The following TWSG1 variants were observed in gnomAD, a reference collection of about 807,000 sequenced individuals.
TWSG1 encodes the protein twisted gastrulation protein homolog 1.
A neutral mutation model predicts 23.0 loss-of-function variants in TWSG1; 15 were observed. That is an observed-to-expected ratio of 0.65 (90% CI 0.44 to 1.00). The LOEUF (loss-of-function observed/expected upper bound fraction) is 1.00, where lower values mean the gene tolerates loss of function less well. Ranked by LOEUF, TWSG1 falls within the 50% of genes least tolerant of loss-of-function variation. The probability of loss-of-function intolerance (pLI) is 0.00; values close to 1 mark genes in which losing one functional copy is unlikely to be tolerated. For synonymous variants in TWSG1, 86 were observed against 92.8 expected, an observed-to-expected ratio of 0.93 and a Z score of 0.42; for missense variants, 242 against 278.7, an observed-to-expected ratio of 0.87 and a Z score of 0.94.
At chr18:9,366,276 G>T (rs986868482) in intron 3 of TWSG1, among the ~76,000 whole-genome samples, 2 of 152,174 alleles carry the variant, frequency 1.3e-5, no homozygotes, top group African/African-American at 4.8e-5. Flanking sequence ...GGCTCATTTT[G>T]CCATACCAAC....
chr18:9,368,543 T>G (rs1196576272), intron 3 of TWSG1, among the ~76,000 whole-genome samples: 1 of 152,002 alleles, frequency 6.6e-6, no homozygotes, highest in Non-Finnish European at 1.5e-5. Context: ...CTGGGTGCAG[T>G]GGCTCACGTC....
chr18:9,383,832 T>C (rs2040670284), intron 3 of TWSG1, among the ~76,000 whole-genome samples: 1 of 152,140 alleles, frequency 6.6e-6, no homozygotes, highest in Non-Finnish European at 1.5e-5. Context: ...TTGATGTGAA[T>C]ATTGAAATTG....
rs79063610 is a variant in TWSG1 at position 9,346,880 on chromosome 18, A to G, written c.123+9528A>G. ...AATTGCTGCGTTGTAGGGTAGGACT[A>G]TGTTTAGTTTTGTAAGAAATTGCCA... On this transcript the variant is annotated intron_variant, in intron 2 of 4. Coordinates refer to ENST00000262120, the MANE Select transcript of TWSG1 (RefSeq NM_020648.6). 5.5e-3 allele frequency among the ~76,000 whole-genome samples: 832 copies of G among 152,334 alleles called. 8 individuals carry two copies. The highest frequency in any genetic ancestry group is 0.019 in the African/African-American group (800 of 41,578).
At chr18:9,387,304 A>C (rs996720158) in intron 3 of TWSG1, among the ~76,000 whole-genome samples, 9 of 152,250 alleles carry the variant, frequency 5.9e-5, no homozygotes, top group Non-Finnish European at 1.0e-4. Flanking sequence ...ATAATTCTCC[A>C]TAAAGGAATT....
Position 9,401,692 on chromosome 18 carries a change from A to G in TWSG1, c.*2165A>G, listed in dbSNP as rs2040763490. On this transcript the variant is annotated 3_prime_UTR_variant, in exon 5 of 5. Coordinates refer to ENST00000262120, the MANE Select transcript of TWSG1 (RefSeq NM_020648.6). ...CCTAAAAGATTCCATTTCCAGTTTT[A>G]TAATGTATTTCAGGTTCTGAATAAC... is the stretch of plus-strand genomic sequence containing the variant. 6.6e-6 allele frequency: 1 copy of G among 152,210 alleles called. No homozygotes were observed. Among genetic ancestry groups the G allele is most frequent in the African/African-American group, 2.4e-5 (1 of 41,464 alleles). 9.4% of individuals were successfully genotyped at this position (152,210 alleles called of 1,614,324 possible).
intron 3 of TWSG1, among the ~76,000 whole-genome samples, chr18:9,362,198 C>T (rs1481355808): frequency 6.6e-6 from 1 of 152,186 alleles, no homozygotes; most frequent in Non-Finnish European, 1.5e-5. Flanking sequence ...ATCTTAATCT[C>T]TGATATACAC....
At chr18:9,365,894 T>C (rs1341450277) in intron 3 of TWSG1, among the ~76,000 whole-genome samples, 3 of 97,598 alleles carry the variant, frequency 3.1e-5, no homozygotes, top group African/African-American at 2.9e-5. Context: ...TAGTCCTAGC[T>C]ACTTGGAGGG....
intron 3 of TWSG1, among the ~76,000 whole-genome samples, chr18:9,360,310 A>G (rs572606801): frequency 6.6e-6 from 1 of 152,286 alleles, no homozygotes; most frequent in East Asian, 1.9e-4. Context: ...CAGAATGTTT[A>G]ACTTTTTATT....
chr18:9,355,041 C>T (rs534636258), intron 2 of TWSG1, among the ~76,000 whole-genome samples: 242 of 152,076 alleles, frequency 1.6e-3, no homozygotes, highest in Middle Eastern at 3.4e-3. Context: ...CTGCATACTC[C>T]GCCTCCCAGG....
At chr18:9,388,557 C>T (rs572485349) in intron 3 of TWSG1, 1 of 152,298 alleles carries the variant, frequency 6.6e-6, no homozygotes, top group African/African-American at 2.4e-5. Context: ...TGGAAAAGAC[C>T]TTAGTATCTT....
intron 2 of TWSG1, among the ~76,000 whole-genome samples, 157 bp from the exon 3 acceptor site, chr18:9,359,815 A>G (rs1349282835): frequency 2.0e-5 from 3 of 152,246 alleles, no homozygotes; most frequent in African/African-American, 7.2e-5. Flanking sequence ...CATTGTAGAT[A>G]TTTATGTTCT....
chr18:9,391,516 A>T (rs576918953), intron 3 of TWSG1, among the ~76,000 whole-genome samples: 1 of 152,330 alleles, frequency 6.6e-6, no homozygotes, highest in East Asian at 1.9e-4. Context: ...CTTACAAGAT[A>T]TATTTCTTGT....
chr18:9,366,406 A>C (rs2040578881), intron 3 of TWSG1, among the ~76,000 whole-genome samples: 1 of 152,256 alleles, frequency 6.6e-6, no homozygotes, highest in African/African-American at 2.4e-5. Context: ...AAACAGGATC[A>C]GACAGCTCTG....
At chr18:9,354,667 A>C (rs192369722) in intron 2 of TWSG1, among the ~76,000 whole-genome samples, 15 of 152,322 alleles carry the variant, frequency 9.8e-5, no homozygotes, top group East Asian at 3.9e-4. Flanking sequence ...ACATTGATGT[A>C]CTATTATGCG....
intron 3 of TWSG1, among the ~76,000 whole-genome samples, chr18:9,361,966 C>T (rs1389712614): frequency 6.6e-6 from 1 of 152,124 alleles, no homozygotes; most frequent in East Asian, 1.9e-4. Flanking sequence ...CAGTCAGGTA[C>T]CTTTAGCTCT....
chr18:9,349,791 A>C (rs558381157), intron 2 of TWSG1, among the ~76,000 whole-genome samples: 2 of 152,288 alleles, frequency 1.3e-5, no homozygotes, highest in Non-Finnish European at 2.9e-5. Context: ...TCTCTCGTGA[A>C]CATTATTTTC....
chr18:9,398,056 C>T (rs1029949318), intron 4 of TWSG1, among the ~76,000 whole-genome samples: 2 of 149,684 alleles, frequency 1.3e-5, no homozygotes, highest in East Asian at 1.9e-4. Context: ...GTGTGAGCTT[C>T]GAACATTAAT....
intron 3 of TWSG1, among the ~76,000 whole-genome samples, chr18:9,361,815 C>T (rs1172397707): frequency 6.6e-6 from 1 of 152,224 alleles, no homozygotes; most frequent in African/African-American, 2.4e-5. Context: ...ACTCTCTCAT[C>T]TCCTACAGTT....
chr18:9,396,642 CT>C (rs1356101165), intron 4 of TWSG1, 96 bp downstream of exon 4: 1 of 1,458,180 alleles, frequency 6.9e-7, no homozygotes, highest in Non-Finnish European at 9.1e-7. Flanking sequence ...TTGGAGCAGC[CT>C]TTTGGTTTTG....
Sources: allele counts gnomAD v4.1 joint callset (sites outside exome capture counted in the v4.1 genomes callset), GRCh38; gene constraint gnomAD v4.1.1; transcripts MANE v1.5; gene names NCBI Gene and HGNC (gene_info 2026-07-23, HGNC 2026-07-21).